KCNJ3: variants seen among roughly 807,000 people sequenced by gnomAD.
KCNJ3 encodes potassium inwardly rectifying channel subfamily J member 3.
A neutral mutation model predicts 39.2 loss-of-function variants in KCNJ3; 4 were observed. The ratio of observed to expected loss-of-function variants is 0.10; its 90% CI spans 0.05 to 0.23. The LOEUF (loss-of-function observed/expected upper bound fraction) is 0.23. KCNJ3 is among the 10% of genes least tolerant of loss of function. The pLI, the probability that KCNJ3 is intolerant of heterozygous loss-of-function variation, is 1.00. For missense variants in KCNJ3, 276 were observed against 634.9 expected (o/e 0.43, Z 6.08); for synonymous variants, 230 against 237.4 (o/e 0.97, Z 0.29).
intron 2 of KCNJ3, among the ~76,000 whole-genome samples, chr2:154,783,390 G>A (rs114544913): frequency 0.012 from 1,789 of 152,116 alleles, 43 homozygotes; most frequent in African/African-American, 0.041. Flanking sequence ...GTTTTGCTTG[G>A]AACAAGACAG....
chr2:154,846,128 C>A (rs1055510021), intron 2 of KCNJ3, among the ~76,000 whole-genome samples: 5 of 152,076 alleles, frequency 3.3e-5, no homozygotes, highest in Non-Finnish European at 7.4e-5. Flanking sequence ...CAAATTTGTT[C>A]AGAGCAGGCC....
intron 2 of KCNJ3, among the ~76,000 whole-genome samples, chr2:154,753,701 G>A (rs576337879): frequency 3.4e-5 from 3 of 89,250 alleles, no homozygotes; most frequent in Admixed American, 3.0e-4. Flanking sequence ...TAATGCAGGT[G>A]TTGGGAAGGG....
At chr2:154,720,780 T>C (rs897503352) in intron 2 of KCNJ3, among the ~76,000 whole-genome samples, 1 of 152,150 alleles carries the variant, frequency 6.6e-6, no homozygotes, top group Non-Finnish European at 1.5e-5. Flanking sequence ...CGTATGTGTA[T>C]GTGTATGAGC....
intron 2 of KCNJ3, among the ~76,000 whole-genome samples, chr2:154,814,197 G>C: frequency 6.6e-6 from 1 of 152,092 alleles, no homozygotes; most frequent in East Asian, 1.9e-4. Context: ...TCACCTAACT[G>C]TGTGACTTTT....
chr2:154,745,445 G>A (rs185724675), intron 2 of KCNJ3, among the ~76,000 whole-genome samples: 1 of 151,934 alleles, frequency 6.6e-6, no homozygotes, highest in Admixed American at 6.6e-5. Flanking sequence ...CTTCTTGATG[G>A]ATTGACTCTT....
chr2:154,776,299 G>A (rs1424832065), intron 2 of KCNJ3, among the ~76,000 whole-genome samples: 1 of 152,070 alleles, frequency 6.6e-6, no homozygotes, highest in East Asian at 1.9e-4. Flanking sequence ...ACCGCTCCCG[G>A]CCAGGGATTC....
chr2:154,711,517 T>G (rs1053263527), intron 2 of KCNJ3, among the ~76,000 whole-genome samples: 9 of 152,140 alleles, frequency 5.9e-5, no homozygotes, highest in African/African-American at 2.2e-4. Flanking sequence ...TCATTTCTGT[T>G]TTTCCCTAAA....
intron 2 of KCNJ3, among the ~76,000 whole-genome samples, chr2:154,727,633 A>C (rs1261035716): frequency 6.6e-6 from 1 of 150,880 alleles, no homozygotes; most frequent in Non-Finnish European, 1.5e-5. Context: ...GTATGAATTA[A>C]ATTGATTTTA....
intron 2 of KCNJ3, among the ~76,000 whole-genome samples, chr2:154,772,179 C>T (rs1242603386): frequency 6.6e-6 from 1 of 152,056 alleles, no homozygotes; most frequent in African/African-American, 2.4e-5. Flanking sequence ...TTTGTAATGA[C>T]AATTTGAATT....
intron 2 of KCNJ3, among the ~76,000 whole-genome samples, chr2:154,768,814 C>G (rs1317478134): frequency 2.0e-5 from 3 of 152,182 alleles, no homozygotes; most frequent in Non-Finnish European, 2.9e-5. Context: ...TCTTCCTATC[C>G]ATGAGCATGG....
At chr2:154,781,659 C>A (rs1686440536) in intron 2 of KCNJ3, among the ~76,000 whole-genome samples, 1 of 151,984 alleles carries the variant, frequency 6.6e-6, no homozygotes, top group East Asian at 1.9e-4. Flanking sequence ...TGGTTTGTTT[C>A]TGGTCACTGA....
At chr2:154,792,083 C>CA (rs1686643341) in intron 2 of KCNJ3, among the ~76,000 whole-genome samples, 3 of 151,832 alleles carry the variant, frequency 2.0e-5, no homozygotes, top group African/African-American at 7.2e-5. Flanking sequence ...AGTCCACTGC[C>CA]GTCATCTTGT....
At position 154,699,128 on chromosome 2, in the gene KCNJ3, G is replaced by T; in HGVS notation, c.353G>T (p.Gly118Val). The T allele has an allele frequency of 6.2e-7, 1 of 1,614,236 alleles. No homozygotes were observed. The highest frequency in any genetic ancestry group is 8.5e-7 in the Non-Finnish European group (1 of 1,180,044). ...TRGDLNKAHV[G>V]NYTPCVANVY... Reference sequence around the variant, plus strand: ...GGCGACCTGAACAAAGCCCACGTCGGTAACTACACGCCTTGCGTGGCCAAT... The same window carrying T: ...GGCGACCTGAACAAAGCCCACGTCGTTAACTACACGCCTTGCGTGGCCAAT... Residue 118 changes from glycine (G) to valine (V), a missense_variant, in exon 1 of 3, where the codon GGT (glycine) becomes GTT (valine). Around this residue, in one of 4 missense-constraint regions of KCNJ3, gnomAD observed 46 missense variants for 206.6 expected, o/e 0.22. Coordinates refer to ENST00000295101, the MANE Select transcript of KCNJ3 (RefSeq NM_002239.4). This position sits in a 1 kb window ranked among gnomAD's most constrained non-coding sequence, Gnocchi z 6.4.
chr2:154,799,136 T>A (rs1345515400), intron 2 of KCNJ3, among the ~76,000 whole-genome samples: 1 of 152,134 alleles, frequency 6.6e-6, no homozygotes, highest in Non-Finnish European at 1.5e-5. Context: ...TTTTTGTTTG[T>A]TTGTTTTTTG....
At chr2:154,754,478 T>C (rs1225696197) in intron 2 of KCNJ3, among the ~76,000 whole-genome samples, 2 of 152,188 alleles carry the variant, frequency 1.3e-5, no homozygotes, top group African/African-American at 4.8e-5. Context: ...TTTCACTGTG[T>C]TGGCCAGGCT....
intron 2 of KCNJ3, among the ~76,000 whole-genome samples, chr2:154,852,963 TAAC>T (rs1197155604): frequency 1.3e-5 from 2 of 151,802 alleles, no homozygotes; most frequent in South Asian, 2.1e-4. Flanking sequence ...CAAAGTAAAA[TAAC>T]AACAATTTAA....
At chr2:154,846,282 T>C (rs1008917093) in intron 2 of KCNJ3, among the ~76,000 whole-genome samples, 9 of 152,210 alleles carry the variant, frequency 5.9e-5, no homozygotes, top group Non-Finnish European at 1.3e-4. Context: ...AAAATTATTC[T>C]ATGCATTGAT....
intron 2 of KCNJ3, among the ~76,000 whole-genome samples, chr2:154,829,806 A>G (rs1241532971): frequency 6.6e-6 from 1 of 152,182 alleles, no homozygotes; most frequent in African/African-American, 2.4e-5. Context: ...CATTCTTATT[A>G]TCAATTAATA....
At chr2:154,731,074 T>A (rs1685441445) in intron 2 of KCNJ3, among the ~76,000 whole-genome samples, 1 of 151,638 alleles carries the variant, frequency 6.6e-6, no homozygotes, top group Non-Finnish European at 1.5e-5. Flanking sequence ...CCTCTGAGAG[T>A]TTGAGGTTAA....
Sources: gnomAD v4.1 joint callset for allele counts (sites outside exome capture counted in the v4.1 genomes callset) on GRCh38, gnomAD v4.1.1 for gene constraint, gnomAD v4.1.1 regional missense constraint, Gnocchi (gnomAD v3.1) non-coding constraint, MANE v1.5 for transcripts, NCBI Gene and HGNC (gene_info 2026-07-23, HGNC 2026-07-21) for gene names.